ERC2: variants seen among roughly 807,000 people sequenced by gnomAD.
The protein encoded by ERC2 is ELKS/RAB6-interacting/CAST family member 2, also known as ERC protein 2.
Under a neutral mutation model 114.8 loss-of-function variants are expected in ERC2, and 42 were observed. The ratio of observed to expected loss-of-function variants is 0.37; its 90% CI spans 0.29 to 0.47. The LOEUF (loss-of-function observed/expected upper bound fraction) is 0.47, where lower values mean the gene tolerates loss of function less well. ERC2 is among the 20% of genes least tolerant of loss of function. ERC2 has a pLI of 0.99. For missense variants in ERC2, 939 were observed against 1,150.7 expected, an observed-to-expected ratio of 0.82 and a Z score of 2.66; for synonymous variants, 454 against 425.5, an observed-to-expected ratio of 1.07 and a Z score of -0.82.
At chr3:55,648,147 T>C (rs2060472104) in intron 17 of ERC2, among the ~76,000 whole-genome samples, 1 of 152,246 alleles carries the variant, frequency 6.6e-6, no homozygotes, top group Non-Finnish European at 1.5e-5. Flanking sequence ...CGTTCCTTCA[T>C]TCATTCACTC....
chr3:55,550,806 G>A (rs1271006556), intron 17 of ERC2, among the ~76,000 whole-genome samples: 2 of 152,086 alleles, frequency 1.3e-5, no homozygotes, highest in Non-Finnish European at 2.9e-5. Flanking sequence ...CACGAGGTCA[G>A]GAGATCGAGA....
intron 17 of ERC2, among the ~76,000 whole-genome samples, chr3:55,585,382 C>G (rs2057546196): frequency 6.6e-6 from 1 of 151,992 alleles, no homozygotes; most frequent in East Asian, 1.9e-4. Context: ...CTAGATTTAC[C>G]ACCGCTGAAC....
chr3:56,174,439 T>A (rs1361509949), intron 3 of ERC2, among the ~76,000 whole-genome samples: 1 of 152,202 alleles, frequency 6.6e-6, no homozygotes, highest in East Asian at 1.9e-4. Flanking sequence ...CACATACCCA[T>A]GCTGGTGATT....
At chr3:56,438,797 G>A (rs140415941) in intron 1 of ERC2, among the ~76,000 whole-genome samples, 35 of 152,032 alleles carry the variant, frequency 2.3e-4, no homozygotes, top group African/African-American at 8.2e-4. Flanking sequence ...AAATTTACAC[G>A]CACACAGATT....
chr3:56,232,695 C>T (rs537741510), intron 3 of ERC2, among the ~76,000 whole-genome samples: 8 of 152,330 alleles, frequency 5.3e-5, no homozygotes, highest in African/African-American at 1.9e-4. Context: ...CTCTATCACA[C>T]ATCATCAGAA....
intron 14 of ERC2, among the ~76,000 whole-genome samples, chr3:55,845,320 C>T (rs1272523154): frequency 6.6e-6 from 1 of 151,900 alleles, no homozygotes; most frequent in Non-Finnish European, 1.5e-5. Context: ...CCGGCTAAAA[C>T]GGTGAAACCC....
At chr3:55,927,688 C>T (rs762426332) in intron 13 of ERC2, among the ~76,000 whole-genome samples, 3 of 152,096 alleles carry the variant, frequency 2.0e-5, no homozygotes, top group Non-Finnish European at 4.4e-5. Flanking sequence ...AATACTAGAT[C>T]TTATTCATCC....
chr3:55,895,000 T>G (rs1472041004), intron 13 of ERC2, among the ~76,000 whole-genome samples: 1 of 152,186 alleles, frequency 6.6e-6, no homozygotes, highest in Non-Finnish European at 1.5e-5. Flanking sequence ...CTGCCCTACA[T>G]TCACTCCTCT....
chr3:56,098,011 G>A (rs532868592), intron 6 of ERC2, among the ~76,000 whole-genome samples: 17 of 152,282 alleles, frequency 1.1e-4, no homozygotes, highest in African/African-American at 4.1e-4. Flanking sequence ...TAGGGAGGGG[G>A]AAAATGTGCT....
At chr3:56,180,167 T>G (rs1213963414) in intron 3 of ERC2, among the ~76,000 whole-genome samples, 1 of 152,170 alleles carries the variant, frequency 6.6e-6, no homozygotes, top group Non-Finnish European at 1.5e-5. Flanking sequence ...AGGATGAAGC[T>G]AGAGAATTGA....
At position 55,647,603 on chromosome 3, in the gene ERC2, T is replaced by C. The variant is rs192861455; in HGVS notation, c.*39+36191A>G. 7.9e-5 allele frequency among the ~76,000 whole-genome samples: 12 copies of C among 152,150 alleles called. No homozygotes were observed. In the East Asian group the frequency reaches 1.7e-3, roughly 22 times the overall value. On this transcript the variant is annotated intron_variant, in intron 17 of 17. Coordinates refer to ENST00000288221, the MANE Select transcript of ERC2 (RefSeq NM_015576.3). Reference sequence around the variant, plus strand: ...AAAAAGAGAGAGAGAGAGACAGAGATAGCACATTGAAATATCTTTACGTAG... The same window carrying C: ...AAAAAGAGAGAGAGAGAGACAGAGACAGCACATTGAAATATCTTTACGTAG...
intron 5 of ERC2, among the ~76,000 whole-genome samples, chr3:56,147,501 G>T (rs2081203121): frequency 6.6e-6 from 1 of 152,158 alleles, no homozygotes; most frequent in African/African-American, 2.4e-5. Flanking sequence ...ACGTTGTGAT[G>T]AAGTAAACAC....
chr3:55,627,669 C>T lies in ERC2; in HGVS notation c.*39+56125G>A, dbSNP rs566501203. On this transcript the variant is annotated intron_variant, in intron 17 of 17. Transcript: ENST00000288221. ...ACAGGACCATAGAGCTGCTCAGGCC[C>T]TTGAGAACCTTTTAGTTTAACTCTT... is the stretch of plus-strand genomic sequence containing the variant. Among the ~76,000 whole-genome samples, 221 of 152,120 alleles carry T rather than the reference C, an allele frequency of 1.5e-3. 1 individual carries two copies. Among genetic ancestry groups the T allele is most frequent in the African/African-American group, 5.2e-3 (214 of 41,504 alleles).
chr3:55,749,115 AGGT>A (rs770837704), intron 14 of ERC2, among the ~76,000 whole-genome samples: 1 of 152,136 alleles, frequency 6.6e-6, no homozygotes, highest in Non-Finnish European at 1.5e-5. Flanking sequence ...CACAAATTGG[AGGT>A]GGGGGAAGGA....
At chr3:55,953,894 C>T (rs1160419173) in intron 12 of ERC2, among the ~76,000 whole-genome samples, 3 of 152,128 alleles carry the variant, frequency 2.0e-5, no homozygotes, top group Admixed American at 6.5e-5. Context: ...AGTACACCCA[C>T]ACTGAATGAA....
chr3:56,128,181 T>C (rs772795866), intron 6 of ERC2, among the ~76,000 whole-genome samples: 1 of 152,214 alleles, frequency 6.6e-6, no homozygotes, highest in Non-Finnish European at 1.5e-5. Context: ...GCACTTACCC[T>C]GTTTATATGC....
In ERC2 at chr3:55,778,028, G is replaced by T. The variant is rs115999085; in HGVS notation, c.2565-43110C>A. The stretch of plus-strand genomic sequence containing the variant: ...GGTAAGATTTCTGATGCCTGCTGTT[G>T]GCTGACATGATCCTTTTTCAATGAA... On this transcript the variant is annotated intron_variant, in intron 14 of 17. Transcript: ENST00000288221. Among the ~76,000 whole-genome samples the T allele has an allele frequency of 3.5e-3, 527 of 152,180 alleles. 4 individuals carry two copies. Among genetic ancestry groups the T allele is most frequent in the African/African-American group, 0.012 (496 of 41,512 alleles).
rs368310639 is a variant in ERC2 at position 56,373,750 on chromosome 3, G to C, written c.657+60601C>G. ...AATAAAATGAATGAGTATGACTACT[G>C]TATGAACTTTAATTATTTTTTATTT... On this transcript the variant is annotated intron_variant, in intron 2 of 17. Coordinates refer to ENST00000288221, the MANE Select transcript of ERC2 (RefSeq NM_015576.3). Among the ~76,000 whole-genome samples the C allele has an allele frequency of 8.5e-5, 13 of 152,248 alleles. No homozygotes were observed. In the South Asian group the frequency reaches 1.0e-3, roughly 12 times the overall value.
chr3:55,758,309 C>T (rs1406851963), intron 14 of ERC2, among the ~76,000 whole-genome samples: 2 of 152,166 alleles, frequency 1.3e-5, no homozygotes, highest in African/African-American at 4.8e-5. Context: ...ATGGGCTAAG[C>T]CGAATCATGA....
Sources: allele counts gnomAD v4.1 joint callset (sites outside exome capture counted in the v4.1 genomes callset), GRCh38; gene constraint gnomAD v4.1.1; transcripts MANE v1.5; gene names NCBI Gene and HGNC (gene_info 2026-07-23, HGNC 2026-07-21).